PCDH15: variants seen among roughly 807,000 people sequenced by gnomAD.
The protein encoded by PCDH15 is protocadherin-15.
In PCDH15, 129 loss-of-function variants were observed where a neutral mutation model predicts 178.5. The observed-to-expected ratio is 0.72, with a 90% confidence interval of 0.63 to 0.84. PCDH15 has a LOEUF of 0.84. Ranked by LOEUF, PCDH15 falls within the 40% of genes least tolerant of loss-of-function variation. The probability of loss-of-function intolerance (pLI) is 0.00; values close to 1 mark genes in which losing one functional copy is unlikely to be tolerated. For synonymous variants in PCDH15, 800 were observed against 732.0 expected (o/e 1.09, Z -1.50); for missense variants, 2,230 against 2,099.9 (o/e 1.06, Z -1.21).
At chr10:53,883,834 G>T (rs1269796859) in intron 26 of PCDH15, among the ~76,000 whole-genome samples, 1 of 152,124 alleles carries the variant, frequency 6.6e-6, no homozygotes, top group Non-Finnish European at 1.5e-5. Flanking sequence ...TCCTGCCTCA[G>T]CCTCCCGAGT....
intron 26 of PCDH15, among the ~76,000 whole-genome samples, chr10:53,888,654 A>G (rs1407056599): frequency 2.3e-5 from 1 of 42,664 alleles, no homozygotes; most frequent in African/African-American, 6.1e-5. Context: ...ATTCCCTAGC[A>G]GTTAAGTTTG....
intron 2 of PCDH15, among the ~76,000 whole-genome samples, chr10:54,544,397 A>G (rs1043924329): frequency 1.9e-4 from 29 of 152,298 alleles, no homozygotes; most frequent in African/African-American, 7.0e-4. Flanking sequence ...CTTGACATTT[A>G]GAAATGAAGT....
chr10:54,496,622 A>G (rs1415610671), intron 3 of PCDH15, among the ~76,000 whole-genome samples: 2 of 152,130 alleles, frequency 1.3e-5, no homozygotes, highest in Non-Finnish European at 2.9e-5. Context: ...CTGAATACCA[A>G]TTGTGATAGG....
chr10:53,999,224 G>C (rs1451329091), intron 20 of PCDH15, among the ~76,000 whole-genome samples: 1 of 152,144 alleles, frequency 6.6e-6, no homozygotes, highest in Non-Finnish European at 1.5e-5. Context: ...TGAGCTATAT[G>C]GCTGCTCTAT....
chr10:54,673,322 T>A (rs1184558683), intron 1 of PCDH15, among the ~76,000 whole-genome samples: 1 of 152,050 alleles, frequency 6.6e-6, no homozygotes, highest in East Asian at 1.9e-4. Context: ...GAATATGCGG[T>A]GCTTGGTTTT....
intron 2 of PCDH15, among the ~76,000 whole-genome samples, chr10:55,094,142 A>C (rs1052594218): frequency 1.3e-4 from 20 of 152,214 alleles, no homozygotes; most frequent in South Asian, 2.1e-4. Context: ...GGAACCAACC[A>C]AAATGTCCAA....
intron 2 of PCDH15, among the ~76,000 whole-genome samples, chr10:54,610,136 A>G (rs2092912048): frequency 6.6e-6 from 1 of 151,898 alleles, no homozygotes; most frequent in South Asian, 2.1e-4. Context: ...TGTTGAGCTC[A>G]TACTCTTGGA....
intron 9 of PCDH15, among the ~76,000 whole-genome samples, chr10:54,233,154 G>A (rs1421339154): frequency 6.6e-6 from 1 of 151,808 alleles, no homozygotes; most frequent in Non-Finnish European, 1.5e-5. Flanking sequence ...ATATTGCCCA[G>A]GCTGGTCTCA....
chr10:54,869,745 C>T (rs1238261015), intron 3 of PCDH15, among the ~76,000 whole-genome samples: 2 of 152,172 alleles, frequency 1.3e-5, no homozygotes, highest in Admixed American at 1.3e-4. Flanking sequence ...AAGATAATGA[C>T]TCTACAAGAG....
chr10:55,394,131 C>T (rs945667496), intron 2 of PCDH15, among the ~76,000 whole-genome samples: 14 of 152,060 alleles, frequency 9.2e-5, no homozygotes, highest in African/African-American at 1.9e-4. Context: ...GGTTTGTTAG[C>T]GCATATCACC....
chr10:55,035,612 A>G (rs571266929), intron 2 of PCDH15, among the ~76,000 whole-genome samples: 2 of 152,332 alleles, frequency 1.3e-5, no homozygotes, highest in East Asian at 3.9e-4. Context: ...GCAACATTGC[A>G]TTTAATTTTG....
At chr10:53,812,403 C>T (rs1213888859) in intron 35 of PCDH15, among the ~76,000 whole-genome samples, 5 of 151,720 alleles carry the variant, frequency 3.3e-5, no homozygotes, top group Non-Finnish European at 2.9e-5. Flanking sequence ...TTGGTAGAGA[C>T]GGGGTTTCAC....
At position 55,498,198 on chromosome 10, in the gene PCDH15, C is replaced by A. The variant is rs73269348; in HGVS notation, c.-156+129427G>T. 9.2e-3 allele frequency among the ~76,000 whole-genome samples: 1,395 copies of A among 151,932 alleles called. 18 individuals carry two copies. Among genetic ancestry groups the A allele is most frequent in the African/African-American group, 0.032 (1,330 of 41,510 alleles). On this transcript the variant is annotated intron_variant, in intron 2 of 5. Coordinates refer to the PCDH15 transcript ENST00000613346. ...TAAAGTCGAAATTACATTTAAGTTTCGTTCTGTGTCTCAATGACTCATTGC... is the reference window on the plus strand; with the variant it reads ...TAAAGTCGAAATTACATTTAAGTTTAGTTCTGTGTCTCAATGACTCATTGC...
chr10:55,251,200 C>T (rs1343091464), intron 1 of PCDH15, among the ~76,000 whole-genome samples: 2 of 151,776 alleles, frequency 1.3e-5, no homozygotes, highest in Non-Finnish European at 2.9e-5. Context: ...TGTGCTTGTG[C>T]TTGTGTTTGT....
chr10:54,152,932 T>C lies in PCDH15; in HGVS notation c.1784+168A>G, dbSNP rs60131819. Among the ~76,000 whole-genome samples, 11,035 of 152,128 alleles carry C rather than the reference T, an allele frequency of 0.073. 955 individuals are homozygous for C. The highest frequency in any genetic ancestry group is 0.2 in the African/African-American group (8,465 of 41,472). On this transcript the variant is annotated intron_variant, in intron 14 of 37. Coordinates refer to ENST00000644397, the MANE Select transcript of PCDH15 (RefSeq NM_001384140.1). ...TCTGATATTGTCCTCTTCCCAAAAT[T>C]TAACCAAATCAGAATATGCATGCAG...
chr10:55,092,692 C>T (rs1032355719), intron 2 of PCDH15, among the ~76,000 whole-genome samples: 1 of 151,644 alleles, frequency 6.6e-6, no homozygotes, highest in Non-Finnish European at 1.5e-5. Flanking sequence ...AAACTTACAC[C>T]AAGAACTGTT....
At chr10:54,606,244 T>A (rs2134164606) in intron 2 of PCDH15, 1 of 152,228 alleles carries the variant, frequency 6.6e-6, no homozygotes, top group South Asian at 2.1e-4. Flanking sequence ...CCCATTTGTT[T>A]GGGCATTTTT....
intron 25 of PCDH15, among the ~76,000 whole-genome samples, chr10:53,921,310 G>A (rs2083978163): frequency 6.6e-6 from 1 of 152,012 alleles, no homozygotes; most frequent in South Asian, 2.1e-4. Flanking sequence ...ATTTAGCACT[G>A]TAAGTTTCAA....
intron 20 of PCDH15, among the ~76,000 whole-genome samples, chr10:54,016,794 C>T (rs1589930172): frequency 1.3e-5 from 2 of 152,132 alleles, no homozygotes; most frequent in Admixed American, 6.6e-5. Context: ...TGTTCATTAC[C>T]TGAGTGGCAA....
Sources: allele counts gnomAD v4.1 joint callset (sites outside exome capture counted in the v4.1 genomes callset), GRCh38; gene constraint gnomAD v4.1.1; transcripts MANE v1.5; gene names NCBI Gene and HGNC (gene_info 2026-07-23, HGNC 2026-07-21).